Variants in PCSK2 observed in about 807,000 individuals in gnomAD.
PCSK2 encodes the protein neuroendocrine convertase 2.
Under a neutral mutation model 69.7 loss-of-function variants are expected in PCSK2, and 14 were observed. The ratio of observed to expected loss-of-function variants is 0.20; its 90% CI spans 0.13 to 0.31. PCSK2 has a LOEUF of 0.31. Among genes scored for constraint, PCSK2 ranks in the 10% least tolerant of loss-of-function variants. The pLI is 1.00. For synonymous variants in PCSK2, 307 were observed against 320.7 expected, an observed-to-expected ratio of 0.96 and a Z score of 0.46; for missense variants, 544 against 842.5, an observed-to-expected ratio of 0.65 and a Z score of 4.39.
intron 11 of PCSK2, among the ~76,000 whole-genome samples, chr20:17,469,068 A>G (rs2269034): frequency 0.44 from 66,690 of 152,148 alleles, 14,743 homozygotes; most frequent in South Asian, 0.61. Context: ...AAGTGATGTT[A>G]CAAATGTCCT....
chr20:17,480,402 G>C (rs947938176), intron 11 of PCSK2, among the ~76,000 whole-genome samples: 2 of 151,828 alleles, frequency 1.3e-5, no homozygotes, highest in Non-Finnish European at 2.9e-5. Context: ...TGTTAGCCAT[G>C]ATGGTCTCGA....
intron 2 of PCSK2, among the ~76,000 whole-genome samples, chr20:17,343,409 A>G (rs2123176633): frequency 6.6e-6 from 1 of 152,324 alleles, no homozygotes; most frequent in South Asian, 2.1e-4. Context: ...TGTTTTCACT[A>G]TCTGCCAGCC....
chr20:17,284,839 G>A (rs1326026089), intron 2 of PCSK2, among the ~76,000 whole-genome samples: 3 of 152,106 alleles, frequency 2.0e-5, no homozygotes, highest in Non-Finnish European at 4.4e-5. Flanking sequence ...TTGTTGACGG[G>A]GTGAAGAGTA....
At chr20:17,350,954 C>T (rs1265499877) in intron 2 of PCSK2, among the ~76,000 whole-genome samples, 2 of 150,530 alleles carry the variant, frequency 1.3e-5, no homozygotes, top group East Asian at 4.0e-4. Context: ...GCAAGAGAAT[C>T]GCTTGAACCT....
intron 2 of PCSK2, among the ~76,000 whole-genome samples, chr20:17,266,901 G>A (rs1475659431): frequency 6.6e-6 from 1 of 152,144 alleles, no homozygotes; most frequent in Non-Finnish European, 1.5e-5. Flanking sequence ...GAAACTCTGA[G>A]CCACATTTAG....
chr20:17,387,562 C>T (rs1314433659), intron 5 of PCSK2, among the ~76,000 whole-genome samples: 1 of 152,200 alleles, frequency 6.6e-6, no homozygotes, highest in Non-Finnish European at 1.5e-5. Flanking sequence ...ATCCTCATGA[C>T]ATGATAGCTG....
At chr20:17,437,207 A>G (rs983593462) in intron 8 of PCSK2, among the ~76,000 whole-genome samples, 4 of 152,218 alleles carry the variant, frequency 2.6e-5, no homozygotes, top group Admixed American at 2.6e-4. Flanking sequence ...AGGGGCCTGC[A>G]CTGGCACCCC....
intron 2 of PCSK2, among the ~76,000 whole-genome samples, chr20:17,347,904 GA>G (rs1568612370): frequency 5.0e-5 from 1 of 19,912 alleles, no homozygotes; most frequent in Non-Finnish European, 1.3e-4. Context: ...AAGAAAGAAA[GA>G]AAGAAAGAAA....
chr20:17,295,133 C>T (rs1026888607), intron 2 of PCSK2, among the ~76,000 whole-genome samples: 2 of 152,100 alleles, frequency 1.3e-5, no homozygotes, highest in African/African-American at 4.8e-5. Flanking sequence ...GCATCCCTCA[C>T]ATTTCACTGA....
intron 6 of PCSK2, among the ~76,000 whole-genome samples, chr20:17,424,819 C>T (rs2032209574): frequency 6.6e-6 from 1 of 151,564 alleles, no homozygotes; most frequent in Non-Finnish European, 1.5e-5. Flanking sequence ...CAGTCTCATT[C>T]TGTCACCCAG....
intron 7 of PCSK2, among the ~76,000 whole-genome samples, chr20:17,430,357 C>A (rs2032338797): frequency 6.6e-6 from 1 of 152,202 alleles, no homozygotes; most frequent in Admixed American, 6.5e-5. Context: ...GGCTGAGTCA[C>A]CCAACCTTGT....
chr20:17,444,867 T>C (rs1847319912), intron 8 of PCSK2, among the ~76,000 whole-genome samples: 1 of 152,180 alleles, frequency 6.6e-6, no homozygotes, highest in African/African-American at 2.4e-5. Flanking sequence ...ATTGATGAGG[T>C]TTGTTCCCAA....
At chr20:17,410,110 G>A (rs1309120507) in intron 6 of PCSK2, among the ~76,000 whole-genome samples, 1 of 151,918 alleles carries the variant, frequency 6.6e-6, no homozygotes, top group Non-Finnish European at 1.5e-5. Flanking sequence ...TATATGATGT[G>A]CAGAGCACTT....
intron 1 of PCSK2, among the ~76,000 whole-genome samples, chr20:17,233,812 G>C (rs527285778): frequency 6.6e-6 from 1 of 152,240 alleles, no homozygotes; most frequent in East Asian, 1.9e-4. Context: ...GTAAATAAGC[G>C]TGATCATGTG....
chr20:17,476,110 T>C (rs755464171), intron 11 of PCSK2, among the ~76,000 whole-genome samples: 19 of 152,234 alleles, frequency 1.2e-4, no homozygotes, highest in Non-Finnish European at 2.8e-4. Flanking sequence ...CTTGAGGTTC[T>C]GGATGAATAT....
intron 2 of PCSK2, among the ~76,000 whole-genome samples, chr20:17,286,465 G>T (rs997285891): frequency 2.6e-5 from 4 of 151,164 alleles, no homozygotes; most frequent in Non-Finnish European, 5.9e-5. Context: ...TCGTTTTTTT[G>T]TTTTTTTTAG....
chr20:17,380,249 A>C (rs1392007505), intron 5 of PCSK2, among the ~76,000 whole-genome samples: 1 of 152,258 alleles, frequency 6.6e-6, no homozygotes, highest in African/African-American at 2.4e-5. Flanking sequence ...TTTGAGCACA[A>C]ACTGAATGAC....
intron 1 of PCSK2, among the ~76,000 whole-genome samples, chr20:17,230,669 A>C (rs1473853287): frequency 1.3e-5 from 2 of 152,072 alleles, no homozygotes; most frequent in African/African-American, 2.4e-5. Flanking sequence ...ACGTGTATTT[A>C]TGTCTTCAGG....
rs551956726 is a variant in PCSK2, at chr20:17,300,945, A to G, written c.282+40601A>G. On this transcript the variant is annotated intron_variant, in intron 2 of 11. Coordinates refer to ENST00000262545, the MANE Select transcript of PCSK2 (RefSeq NM_002594.5). ...AGAGGCATAATTTCCCTTAACCTTAATCAATGCTAATTGAGCTCTTAGGGA... is the reference window on the plus strand; with the variant it reads ...AGAGGCATAATTTCCCTTAACCTTAGTCAATGCTAATTGAGCTCTTAGGGA... Among the ~76,000 whole-genome samples the G allele has an allele frequency of 6.6e-5, 10 of 152,338 alleles. No individual in the cohort carries two copies. The East Asian group carries it at 1.5e-3, about 24-fold the overall frequency.
Sources: gnomAD v4.1 joint callset for allele counts (sites outside exome capture counted in the v4.1 genomes callset) on GRCh38, gnomAD v4.1.1 for gene constraint, MANE v1.5 for transcripts, NCBI Gene and HGNC (gene_info 2026-07-23, HGNC 2026-07-21) for gene names.